CCDC27: variants seen among roughly 807,000 people sequenced by gnomAD.
The protein encoded by CCDC27 is coiled-coil domain-containing protein 27.
In CCDC27, 80 loss-of-function variants were observed where a neutral mutation model predicts 80.3. The observed-to-expected ratio is 1.00, with a 90% CI of 0.83 to 1.20. The LOEUF (loss-of-function observed/expected upper bound fraction) is 1.20, where lower values mean the gene tolerates loss of function less well. CCDC27 is among the 50% of genes most tolerant of loss of function. CCDC27 has a pLI of 0.00. For synonymous variants in CCDC27, 342 were observed against 334.3 expected (o/e 1.02, Z -0.25); for missense variants, 815 against 809.4 (o/e 1.01, Z -0.08).
chr1:3,761,369 T>C lies in CCDC27; in HGVS notation c.800T>C (p.Met267Thr), dbSNP rs1181883. The change falls in exon 5 of 12, where the codon ATG becomes ACG. Residue 267 changes from methionine to threonine, a missense_variant. Physicochemically the swap from Met to Thr is moderately conservative, Grantham distance 81. Coordinates refer to ENST00000294600, the MANE Select transcript of CCDC27 (RefSeq NM_152492.3). This position sits in a 1 kb window ranked among gnomAD's most constrained non-coding sequence, Gnocchi z 5.0. Reference protein sequence around the residue: ...LLQEEREALKMQLKCLLKGKG... With the variant: ...LLQEEREALKTQLKCLLKGKG... ...CAGGAGGAGAGGGAGGCCCTGAAGA[T>C]GCAGCTGAAATGCCTTCTGAAAGGC... 639,983 of 1,613,768 alleles carry C rather than the reference T, an allele frequency of 0.4. 130,975 individuals carry two copies. The highest frequency in any genetic ancestry group is 0.63 in the African/African-American group (47,506 of 74,964).
chr1:3,757,005 A>T, intron 4 of CCDC27, 115 bp downstream of exon 4: 2 of 1,283,514 alleles, frequency 1.6e-6, no homozygotes, highest in Middle Eastern at 2.7e-4. Flanking sequence ...AGCTGCATCA[A>T]GCAGGTCCCC....
intron 4 of CCDC27, among the ~76,000 whole-genome samples, chr1:3,757,706 G>A (rs1291794291): frequency 6.6e-6 from 1 of 152,064 alleles, no homozygotes; most frequent in Non-Finnish European, 1.5e-5. Context: ...ACAGATCCAC[G>A]AGGTCAGGAG....
At position 3,752,667 on chromosome 1, in the gene CCDC27, G is replaced by T; in HGVS notation, c.186G>T (p.Ser62=). 6.2e-7 allele frequency: 1 copy of T among 1,614,064 alleles called. No individual in the cohort carries two copies. Among genetic ancestry groups the T allele is most frequent in the South Asian group, 1.1e-5 (1 of 91,084 alleles). ...AGAGGCACAGTTCGATGTCCAGCTC[G>T]ATGGCCAGGGCCCTGGTGCTCCTCC... ...PSQRHSSMSS[S]MARALVLLQS... The change falls in exon 1 of 12, where the codon TCG becomes TCT. Residue 62 remains serine, a synonymous_variant. Transcript: ENST00000294600.
At chr1:3,754,934 G>A (rs569383832) in intron 2 of CCDC27, among the ~76,000 whole-genome samples, 1 of 152,236 alleles carries the variant, frequency 6.6e-6, no homozygotes, top group South Asian at 2.1e-4. Flanking sequence ...CTAGGCTTCA[G>A]GCCCCCACTG....
At chr1:3,764,068 C>G (rs1452753199) in intron 8 of CCDC27, among the ~76,000 whole-genome samples, 1 of 152,176 alleles carries the variant, frequency 6.6e-6, no homozygotes, top group Non-Finnish European at 1.5e-5. Context: ...CTGCCCTGTC[C>G]CTGGGCTGGA....
rs1280365549 is a variant in CCDC27 at position 3,752,635 on chromosome 1, C to T, written c.154C>T (p.Pro52Ser). Reference sequence around the variant, plus strand: ...CCTCATGTTACCTAAGGAGGCCAGCCCATCTCAGAGGCACAGTTCGATGTC... The same window carrying T: ...CCTCATGTTACCTAAGGAGGCCAGCTCATCTCAGAGGCACAGTTCGATGTC... Reference protein sequence around the residue: ...PRLMLPKEASPSQRHSSMSSS... With the variant: ...PRLMLPKEASSSQRHSSMSSS... Residue 52 changes from proline to serine, a missense_variant, in exon 1 of 12, where the codon CCA becomes TCA. Coordinates refer to ENST00000294600, the MANE Select transcript of CCDC27 (RefSeq NM_152492.3). The T allele has an allele frequency of 1.2e-6, 2 of 1,614,030 alleles. No individual in the cohort carries two copies. Among genetic ancestry groups the T allele is most frequent in the African/African-American group, 1.3e-5 (1 of 74,952 alleles).
chr1:3,766,685 C>A lies in CCDC27; in HGVS notation c.1530+73C>A. On this transcript the variant is annotated intron_variant, in intron 9 of 11. Transcript: ENST00000294600. This position sits in a 1 kb window ranked among gnomAD's most constrained non-coding sequence, Gnocchi z 6.1. The stretch of plus-strand genomic sequence containing the variant: ...CTGTAAGTCCCAACACAGCAAAGGG[C>A]AAGACGGGGCTGGAGCGTCTTCACA... The A allele has an allele frequency of 7.8e-7, 1 of 1,275,584 alleles. No individual in the cohort carries two copies. Among genetic ancestry groups the A allele is most frequent in the Non-Finnish European group, 1.1e-6 (1 of 886,288 alleles). The allele number at this position is 1,275,584 out of a possible 1,614,324, so 79.0% of individuals were successfully genotyped here.
Position 3,769,227 on chromosome 1 carries a change from G to C in CCDC27, c.1744-556G>C, listed in dbSNP as rs1255849029. Among the ~76,000 whole-genome samples the C allele has an allele frequency of 6.6e-6, 1 of 152,168 alleles. No individual in the cohort carries two copies. The highest frequency in any genetic ancestry group is 1.5e-5 in the Non-Finnish European group (1 of 68,018). On this transcript the variant is annotated intron_variant, in intron 10 of 11. Coordinates refer to ENST00000294600, the MANE Select transcript of CCDC27 (RefSeq NM_152492.3). The surrounding 1 kb of genome is among the most constrained non-coding windows in gnomAD (Gnocchi z 4.6). ...GGCTGCGGGTGTACAGGCAGACAAG[G>C]ATCTTCATGGCAGCAGAAGACGAGA... is the stretch of plus-strand genomic sequence containing the variant.
Position 3,763,855 on chromosome 1 carries a change from C to T in CCDC27, c.1452+19C>T, listed in dbSNP as rs775212059. ...CGACAAGGTGGCCGTGCGCTCAGTA[C>T]CGGCCTCCGCTCCATGAGCATGGGC... On this transcript the variant is annotated intron_variant, in intron 8 of 11. Coordinates refer to ENST00000294600, the MANE Select transcript of CCDC27 (RefSeq NM_152492.3). This position sits in a 1 kb window ranked among gnomAD's most constrained non-coding sequence, Gnocchi z 7.5. 5 of 1,611,986 alleles carry T rather than the reference C, an allele frequency of 3.1e-6. No homozygotes were observed. Among genetic ancestry groups the T allele is most frequent in the South Asian group, 1.1e-5 (1 of 90,968 alleles).
In CCDC27 at chr1:3,763,074, G is replaced by GCCCTGCCCAGC; in HGVS notation, c.955-25_955-15dup. The GCCCTGCCCAGC allele has an allele frequency of 6.9e-7, 1 of 1,456,218 alleles. No individual in the cohort carries two copies. The highest frequency in any genetic ancestry group is 9.1e-7 in the Non-Finnish European group (1 of 1,103,030). The allele number at this position is 1,456,218 out of a possible 1,614,324, so 90.2% of individuals were successfully genotyped here. A position where few individuals can be genotyped will look rare whatever the true frequency, so the allele number is the denominator to read the frequency against. On this transcript the variant is annotated intron_variant, in intron 6 of 11. Coordinates refer to ENST00000294600, the MANE Select transcript of CCDC27 (RefSeq NM_152492.3). This position sits in a 1 kb window ranked among gnomAD's most constrained non-coding sequence, Gnocchi z 7.5. ...CCCTCTGCCCTGGGGGTGCCCCGCAGCCCTGCCCAGCCCCTGCCCTACCCA... is the reference window on the plus strand; with the variant it reads ...CCCTCTGCCCTGGGGGTGCCCCGCAGCCCTGCCCAGCCCCTGCCCAGCCCCTGCCCTACCCA...
Position 3,763,779 on chromosome 1 carries a change from G to A in CCDC27, c.1395G>A (p.Glu465=), listed in dbSNP as rs575309796. The A allele has an allele frequency of 6.2e-7, 1 of 1,614,150 alleles. No individual in the cohort carries two copies. The highest frequency in any genetic ancestry group is 1.3e-5 in the African/African-American group (1 of 75,040). The change falls in exon 8 of 12, where the codon GAG becomes GAA. Residue 465 remains glutamate (E), a synonymous_variant. Coordinates refer to ENST00000294600, the MANE Select transcript of CCDC27 (RefSeq NM_152492.3). The surrounding 1 kb of genome is among the most constrained non-coding windows in gnomAD (Gnocchi z 7.5). Reference sequence around the variant, plus strand: ...TGCGAAAGATCAATACGGAAAATGAGACGCTGCAGAAGGAGCTCCGAGAGC... The same window carrying A: ...TGCGAAAGATCAATACGGAAAATGAAACGCTGCAGAAGGAGCTCCGAGAGC... ...TQLRKINTEN[E]TLQKELRERR...
chr1:3,752,941 G>A (rs1642859862), intron 1 of CCDC27, 142 bp downstream of exon 1: 4 of 990,548 alleles, frequency 4.0e-6, no homozygotes, highest in Non-Finnish European at 4.4e-6. Context: ...ATTCCAGGCA[G>A]GCAACGAATT....
chr1:3,759,906 C>T (rs1370277581), intron 4 of CCDC27, among the ~76,000 whole-genome samples: 1 of 152,218 alleles, frequency 6.6e-6, no homozygotes, highest in Admixed American at 6.5e-5. Context: ...TTTACCAGGT[C>T]ATGCGTATGA....
chr1:3,754,360 C>T, intron 2 of CCDC27, 119 bp downstream of exon 2: 1 of 1,288,602 alleles, frequency 7.8e-7, no homozygotes, highest in Non-Finnish European at 1.0e-6. Flanking sequence ...CCACAGTGGC[C>T]CCAGCTGCTG....
chr1:3,757,287 GACTA>G (rs1467216327), intron 4 of CCDC27: 1 of 153,678 alleles, frequency 6.5e-6, no homozygotes, highest in Non-Finnish European at 1.4e-5. Context: ...TTATAAGAAA[GACTA>G]ACCTATATTT....
intron 5 of CCDC27, 105 bp from the exon 6 acceptor site, chr1:3,762,515 C>T (rs1643112218): frequency 1.1e-6 from 1 of 881,706 alleles, no homozygotes; most frequent in Admixed American, 2.5e-5. Flanking sequence ...CAGGTCCCCT[C>T]CCCAGACATG....
chr1:3,763,163 G>A lies in CCDC27; in HGVS notation c.1010G>A (p.Gly337Asp). The A allele has an allele frequency of 2.7e-6, 4 of 1,495,190 alleles. No homozygotes were observed. The highest frequency in any genetic ancestry group is 3.6e-6 in the Non-Finnish European group (4 of 1,121,362). 92.6% of individuals were successfully genotyped at this position (1,495,190 alleles called of 1,614,324 possible). A position where few individuals can be genotyped will look rare whatever the true frequency, so the allele number is the denominator to read the frequency against. The change falls in exon 7 of 12, where the codon GGC becomes GAC. Residue 337 changes from glycine (G) to aspartate (D), a missense_variant. Gly to Asp is a moderately conservative substitution (Grantham distance 94). Coordinates refer to ENST00000294600, the MANE Select transcript of CCDC27 (RefSeq NM_152492.3). This position sits in a 1 kb window ranked among gnomAD's most constrained non-coding sequence, Gnocchi z 7.5. ...ERGKEPDLGG[G>D]EEDEGLEGEP... ...GGCAAGGAGCCCGACCTGGGAGGTG[G>A]CGAGGAGGACGAGGGCCTGGAAGGG...
At chr1:3,757,991 G>A (rs536442038) in intron 4 of CCDC27, among the ~76,000 whole-genome samples, 242 of 151,868 alleles carry the variant, frequency 1.6e-3, no homozygotes, top group African/African-American at 5.7e-3. Flanking sequence ...CTGGGCTCAA[G>A]TGATCCACTC....
In CCDC27 at chr1:3,761,524, C is replaced by T. The variant is rs1010567381; in HGVS notation, c.861+94C>T. ...TAGTGACACACAGGCCCCTGGCAAACCCCCAGGCCCCCTGGATCCTATCAG... is the reference window on the plus strand; with the variant it reads ...TAGTGACACACAGGCCCCTGGCAAATCCCCAGGCCCCCTGGATCCTATCAG... On this transcript the variant is annotated intron_variant, in intron 5 of 11. Coordinates refer to ENST00000294600, the MANE Select transcript of CCDC27 (RefSeq NM_152492.3). This position sits in a 1 kb window ranked among gnomAD's most constrained non-coding sequence, Gnocchi z 5.0. 19 of 1,417,092 alleles carry T rather than the reference C, an allele frequency of 1.3e-5. No individual in the cohort carries two copies. The highest frequency in any genetic ancestry group is 1.7e-5 in the Non-Finnish European group (18 of 1,047,482). The allele number at this position is 1,417,092 out of a possible 1,614,324, so 87.8% of individuals were successfully genotyped here.
Sources: gnomAD v4.1 joint callset for allele counts (sites outside exome capture counted in the v4.1 genomes callset) on GRCh38, gnomAD v4.1.1 for gene constraint, Gnocchi (gnomAD v3.1) non-coding constraint, MANE v1.5 for transcripts, NCBI Gene and HGNC (gene_info 2026-07-23, HGNC 2026-07-21) for gene names.